Variants in ANKS1A observed in about 807,000 individuals in gnomAD.
The protein encoded by ANKS1A is ankyrin repeat and SAM domain-containing protein 1A.
A neutral mutation model predicts 120.3 loss-of-function variants in ANKS1A; 55 were observed. The observed-to-expected ratio is 0.46, with a 90% CI of 0.37 to 0.57. ANKS1A has a LOEUF of 0.57. Ranked by LOEUF, ANKS1A falls within the 20% of genes least tolerant of loss-of-function variation. The probability of loss-of-function intolerance (pLI) is 0.00; values close to 1 mark genes in which losing one functional copy is unlikely to be tolerated. For synonymous variants in ANKS1A, 590 were observed against 604.7 expected, an observed-to-expected ratio of 0.98 and a Z score of 0.36; for missense variants, 1,123 against 1,480.3, an observed-to-expected ratio of 0.76 and a Z score of 3.96.
intron 1 of ANKS1A, among the ~76,000 whole-genome samples, chr6:34,893,585 G>A (rs993084614): frequency 2.0e-5 from 3 of 152,218 alleles, no homozygotes; most frequent in Non-Finnish European, 4.4e-5. Flanking sequence ...ATTGCTAGAT[G>A]CACTGCAAAA....
chr6:35,084,681 G>A lies in ANKS1A; in HGVS notation c.3132+423G>A, dbSNP rs982641481. On this transcript the variant is annotated intron_variant, in intron 21 of 23. Transcript: ENST00000360359. This position sits in a 1 kb window ranked among gnomAD's most constrained non-coding sequence, Gnocchi z 4.8. ...GTCAGGCAAGGCCTTTGTTTCCCCC[G>A]GCTCCCTGCCCTAGGTCTCCAACCT... 2.6e-5 allele frequency among the ~76,000 whole-genome samples: 4 copies of A among 152,036 alleles called. No individual in the cohort carries two copies. The highest frequency in any genetic ancestry group is 4.1e-4 in the South Asian group (2 of 4,826).
intron 11 of ANKS1A, among the ~76,000 whole-genome samples, chr6:35,052,609 T>TAAAAAAAAAAAAAAAAAA (rs59378149): frequency 9.8e-6 from 1 of 102,410 alleles, no homozygotes; most frequent in Non-Finnish European, 1.9e-5. Context: ...TCTTCTCTGT[T>TAAAAAAAAAAAAAAAAAA]AAAAAAAAAA....
At position 35,001,214 on chromosome 6, in the gene ANKS1A, G is replaced by A. The variant is rs541747627; in HGVS notation, c.1423+6792G>A. ...ATAAAATGGTGTTTAGCTTTCTTTG[G>A]TCTAAAAACTAATAAAAATTGGTGC... On this transcript the variant is annotated intron_variant, in intron 10 of 23. Transcript: ENST00000360359. 7.9e-4 allele frequency among the ~76,000 whole-genome samples: 121 copies of A among 152,204 alleles called. 1 individual carries two copies. Among genetic ancestry groups the A allele is most frequent in the African/African-American group, 2.7e-3 (111 of 41,548 alleles).
chr6:34,991,570 A>T (rs1772522082), intron 9 of ANKS1A, among the ~76,000 whole-genome samples: 1 of 141,266 alleles, frequency 7.1e-6, no homozygotes, highest in African/African-American at 2.5e-5. Flanking sequence ...ACACACACAC[A>T]CACACACACA....
At chr6:35,052,518 T>C in intron 11 of ANKS1A, among the ~76,000 whole-genome samples, 1 of 145,942 alleles carries the variant, frequency 6.9e-6, no homozygotes, top group East Asian at 2.0e-4. Flanking sequence ...TCGTCTTAGC[T>C]ATTCAGGAGT....
intron 11 of ANKS1A, among the ~76,000 whole-genome samples, chr6:35,021,802 A>G (rs1445963559): frequency 6.6e-6 from 1 of 152,062 alleles, no homozygotes; most frequent in Non-Finnish European, 1.5e-5. Flanking sequence ...CCTGGCCAAC[A>G]TGGTGAAACC....
intron 3 of ANKS1A, among the ~76,000 whole-genome samples, chr6:34,978,753 C>A (rs185135610): frequency 2.2e-4 from 32 of 143,068 alleles, no homozygotes; most frequent in African/African-American, 7.7e-4. Flanking sequence ...TGCGGTGAGC[C>A]GAGATCATGC....
At chr6:35,003,011 G>A (rs188266259) in intron 10 of ANKS1A, among the ~76,000 whole-genome samples, 276 of 148,396 alleles carry the variant, frequency 1.9e-3, no homozygotes, top group Admixed American at 2.3e-3. Flanking sequence ...TAGAACCTAC[G>A]CTAAGCTGCC....
At position 35,084,346 on chromosome 6, in the gene ANKS1A, G is replaced by C; in HGVS notation, c.3132+88G>C. On this transcript the variant is annotated intron_variant, in intron 21 of 23. Transcript: ENST00000360359. This position sits in a 1 kb window ranked among gnomAD's most constrained non-coding sequence, Gnocchi z 4.8. ...CATTGCAGGGCACAGATGCGGCGCT[G>C]TCCTGGCCCCTGGCCAGTGCCTGGC... is the stretch of plus-strand genomic sequence containing the variant. The C allele has an allele frequency of 1.3e-6, 2 of 1,530,850 alleles. No individual in the cohort carries two copies. Among genetic ancestry groups the C allele is most frequent in the Non-Finnish European group, 1.8e-6 (2 of 1,140,550 alleles). 94.8% of individuals were successfully genotyped at this position (1,530,850 alleles called of 1,614,324 possible).
chr6:35,040,617 A>G (rs1775407503), intron 11 of ANKS1A, among the ~76,000 whole-genome samples: 1 of 152,228 alleles, frequency 6.6e-6, no homozygotes, highest in Non-Finnish European at 1.5e-5. Context: ...CTGAGCACAA[A>G]AGTATTTGAG....
intron 13 of ANKS1A, among the ~76,000 whole-genome samples, chr6:35,074,195 T>C (rs995162914): frequency 1.3e-5 from 2 of 152,244 alleles, no homozygotes; most frequent in Non-Finnish European, 2.9e-5. Context: ...AGTGGGAGTT[T>C]AGAACATCAC....
chr6:35,042,796 A>T (rs1307434563), intron 11 of ANKS1A, among the ~76,000 whole-genome samples: 3 of 152,242 alleles, frequency 2.0e-5, no homozygotes, highest in Non-Finnish European at 4.4e-5. Context: ...TTTACAGGTG[A>T]GGGTTACATA....
At chr6:34,952,436 C>T (rs1180704418) in intron 1 of ANKS1A, among the ~76,000 whole-genome samples, 1 of 152,164 alleles carries the variant, frequency 6.6e-6, no homozygotes, top group East Asian at 1.9e-4. Context: ...ATCTGTGCCC[C>T]CAAAACTCTG....
chr6:35,077,290 CA>C (rs1777417497), intron 13 of ANKS1A, among the ~76,000 whole-genome samples: 1 of 152,206 alleles, frequency 6.6e-6, no homozygotes, highest in Non-Finnish European at 1.5e-5. Context: ...GAAGTTGGAG[CA>C]AATGTCCTTC....
At chr6:34,927,575 C>T (rs541631994) in intron 1 of ANKS1A, among the ~76,000 whole-genome samples, 2 of 152,008 alleles carry the variant, frequency 1.3e-5, no homozygotes, top group Non-Finnish European at 2.9e-5. Flanking sequence ...AAGTGAGGAG[C>T]TGTGGCACGG....
chr6:35,076,019 C>T (rs77078908), intron 13 of ANKS1A, among the ~76,000 whole-genome samples: 4,544 of 152,254 alleles, frequency 0.03, 105 homozygotes, highest in African/African-American at 0.074. Flanking sequence ...CTCACCTTGG[C>T]CTCCAAAAGT....
rs1156396316 is a variant in ANKS1A, at chr6:35,002,231, C to T, written c.1423+7809C>T. Among the ~76,000 whole-genome samples the T allele has an allele frequency of 3.3e-5, 5 of 151,894 alleles. No homozygotes were observed. The South Asian group carries it at 1.0e-3, about 32-fold the overall frequency. On this transcript the variant is annotated intron_variant, in intron 10 of 23. Coordinates refer to ENST00000360359, the MANE Select transcript of ANKS1A (RefSeq NM_015245.3). ...GCATTAGACTCAGTTTATTCTAGTG[C>T]GCCCAACCTCCGAGACCATCCTTAA...
At chr6:35,064,411 A>C (rs1342132467) in intron 13 of ANKS1A, among the ~76,000 whole-genome samples, 2 of 152,204 alleles carry the variant, frequency 1.3e-5, no homozygotes, top group Admixed American at 1.3e-4. Flanking sequence ...GCTACGTGGC[A>C]GATAGGCCCC....
At position 35,084,477 on chromosome 6, in the gene ANKS1A, G is replaced by A. The variant is rs2127613821; in HGVS notation, c.3132+219G>A. Among the ~76,000 whole-genome samples, 1 of 149,408 alleles carries A rather than the reference G, an allele frequency of 6.7e-6. No homozygotes were observed. Among genetic ancestry groups the A allele is most frequent in the East Asian group, 2.0e-4 (1 of 4,944 alleles). On this transcript the variant is annotated intron_variant, in intron 21 of 23. Transcript: ENST00000360359. The surrounding 1 kb of genome is among the most constrained non-coding windows in gnomAD (Gnocchi z 4.8). ...ACAGGGACTGGCCCAGGGCACTAGG[G>A]ACAGGAGGTTCCAGCTTTTTTTTTT...
Sources: allele counts gnomAD v4.1 joint callset (sites outside exome capture counted in the v4.1 genomes callset), GRCh38; gene constraint gnomAD v4.1.1; non-coding constraint Gnocchi (gnomAD v3.1); transcripts MANE v1.5; gene names NCBI Gene and HGNC (gene_info 2026-07-23, HGNC 2026-07-21).